Variants in ADAM2 observed in about 807,000 individuals in gnomAD.
The protein encoded by ADAM2 is disintegrin and metalloproteinase domain-containing protein 2.
A neutral mutation model predicts 99.3 loss-of-function variants in ADAM2; 101 were observed. The ratio of observed to expected loss-of-function variants is 1.02; its 90% CI spans 0.87 to 1.20. The LOEUF is 1.20. Ranked by LOEUF, ADAM2 falls within the 50% of genes most tolerant of loss-of-function variation. The pLI is 0.00. For synonymous variants in ADAM2, 323 were observed against 287.6 expected (o/e 1.12, Z -1.25); for missense variants, 948 against 878.7 (o/e 1.08, Z -1.00).
chr8:39,771,658 A>T (rs1246908597), intron 11 of ADAM2, among the ~76,000 whole-genome samples: 2 of 152,290 alleles, frequency 1.3e-5, no homozygotes, highest in African/African-American at 4.8e-5. Context: ...GAATAAATTT[A>T]GAATTTTTGA....
intron 3 of ADAM2, among the ~76,000 whole-genome samples, chr8:39,832,553 C>A (rs1183240065): frequency 6.6e-6 from 1 of 152,162 alleles, no homozygotes. Flanking sequence ...TTTGGTTATT[C>A]ATTTCTAAAA....
intron 11 of ADAM2, among the ~76,000 whole-genome samples, chr8:39,773,805 T>C (rs1015527369): frequency 6.6e-6 from 1 of 151,918 alleles, no homozygotes; most frequent in Non-Finnish European, 1.5e-5. Context: ...GTATCAATAG[T>C]ACAAAATCTC....
At position 39,769,449 on chromosome 8, in the gene ADAM2, T is replaced by TAGTG. The variant is rs536515860; in HGVS notation, c.1154_1155insCACT (p.Val386ThrfsTer5). 3.0e-4 allele frequency: 477 copies of TAGTG among 1,614,098 alleles called. 2 individuals are homozygous for TAGTG. Among genetic ancestry groups the TAGTG allele is most frequent in the Middle Eastern group, 2.0e-3 (12 of 6,062 alleles). ...CTTCCAGCTTTGCATTACCACACAC[T>TAGTG]GCTTGCTGTTTGAAAAAAGGATCTA... On this transcript the variant is annotated frameshift_variant, in exon 12 of 21. Coordinates refer to ENST00000265708, the MANE Select transcript of ADAM2 (RefSeq NM_001464.5). LOFTEE classifies it high-confidence loss of function.
At chr8:39,809,303 C>T in intron 7 of ADAM2, 107 bp downstream of exon 7, 1 of 620,870 alleles carries the variant, frequency 1.6e-6, no homozygotes, top group Non-Finnish European at 2.8e-6. Flanking sequence ...TAATGCAGAG[C>T]TAAGGCAAAA....
At chr8:39,796,891 G>GT (rs1197611515) in intron 7 of ADAM2, among the ~76,000 whole-genome samples, 5 of 151,588 alleles carry the variant, frequency 3.3e-5, no homozygotes, top group African/African-American at 9.7e-5. Flanking sequence ...TGATGGGGTT[G>GT]TTTTTTTTCT....
chr8:39,790,339 C>G (rs999068103), intron 7 of ADAM2, among the ~76,000 whole-genome samples: 3 of 151,818 alleles, frequency 2.0e-5, no homozygotes, highest in Admixed American at 6.6e-5. Context: ...GGCTATTTTA[C>G]AGTAAGAAGA....
chr8:39,752,788 A>T (rs1415588906), intron 16 of ADAM2, among the ~76,000 whole-genome samples: 1 of 152,084 alleles, frequency 6.6e-6, no homozygotes, highest in East Asian at 1.9e-4. Flanking sequence ...TCATGGTTTT[A>T]TAAAGGGCAG....
chr8:39,802,390 G>A (rs1804255225), intron 7 of ADAM2, among the ~76,000 whole-genome samples: 1 of 152,084 alleles, frequency 6.6e-6, no homozygotes, highest in Non-Finnish European at 1.5e-5. Flanking sequence ...TTTTCAATGG[G>A]AGACTCCGAA....
chr8:39,800,494 C>G (rs917850672), intron 7 of ADAM2, among the ~76,000 whole-genome samples: 1 of 151,976 alleles, frequency 6.6e-6, no homozygotes, highest in African/African-American at 2.4e-5. Flanking sequence ...AATCTGATGA[C>G]TATGTGTCTT....
chr8:39,798,352 G>T (rs1804058228), intron 7 of ADAM2, among the ~76,000 whole-genome samples: 1 of 151,878 alleles, frequency 6.6e-6, no homozygotes, highest in Admixed American at 6.6e-5. Context: ...TATTGATTTA[G>T]GTATGTTGAA....
Position 39,749,302 on chromosome 8 carries a change from T to G in ADAM2, c.2014+10A>C. On this transcript the variant is annotated intron_variant, in intron 18 of 20. Transcript: ENST00000265708. ...TTTTAATTATTTTCTGATTTATTAT[T>G]AATACTTACCAGGGAGTCTGGCTGG... The G allele has an allele frequency of 1.3e-6, 2 of 1,593,712 alleles. No individual in the cohort carries two copies. Among genetic ancestry groups the G allele is most frequent in the Middle Eastern group, 1.7e-4 (1 of 5,960 alleles).
rs967644658 is a variant in ADAM2, at chr8:39,749,412, T to C, written c.1914A>G (p.Ser638=). The C allele has an allele frequency of 1.2e-6, 2 of 1,613,280 alleles. No homozygotes were observed. The highest frequency in any genetic ancestry group is 2.7e-5 in the African/African-American group (2 of 74,870). ...NNKKHCHCSA[S]YLPPDCSVQS... Reference sequence around the variant, plus strand: ...GAACTGAGCAATCTGGAGGTAAATATGAAGCACTACAGTGACAGTGCTTTT... The same window carrying C: ...GAACTGAGCAATCTGGAGGTAAATACGAAGCACTACAGTGACAGTGCTTTT... The change falls in exon 18 of 21, where the codon TCA becomes TCG. Residue 638 remains serine (S), a synonymous_variant. Coordinates refer to ENST00000265708, the MANE Select transcript of ADAM2 (RefSeq NM_001464.5).
chr8:39,746,723 C>A, intron 18 of ADAM2, 92 bp from the exon 19 acceptor site: 1 of 995,890 alleles, frequency 1.0e-6, no homozygotes, highest in Non-Finnish European at 1.5e-6. Flanking sequence ...AAAATAAAAT[C>A]TTTGAACAAT....
intron 16 of ADAM2, among the ~76,000 whole-genome samples, chr8:39,754,802 T>C (rs1053872126): frequency 6.6e-6 from 1 of 152,198 alleles, no homozygotes; most frequent in African/African-American, 2.4e-5. Context: ...CTTGTGTATA[T>C]ACGTGTTTGT....
At position 39,837,177 on chromosome 8, in the gene ADAM2, C is replaced by T. The variant is rs201075434; in HGVS notation, c.91G>A (p.Glu31Lys). 1.2e-6 allele frequency: 2 copies of T among 1,610,476 alleles called. No individual in the cohort carries two copies. Among genetic ancestry groups the T allele is most frequent in the East Asian group, 4.5e-5 (2 of 44,758 alleles). The change falls in exon 2 of 21, where the codon GAG (glutamate) becomes AAG (lysine). Residue 31 changes from glutamate (E) to lysine (K), a missense_variant. By Grantham distance (56) the Glu-to-Lys change is moderately conservative (BLOSUM62 1). Coordinates refer to ENST00000265708, the MANE Select transcript of ADAM2 (RefSeq NM_001464.5). ...TCCTTTATTATTGACCGTATTTTCTCCGGAACTGTAATTTGCACAGGTAAA... is the reference window on the plus strand; with the variant it reads ...TCCTTTATTATTGACCGTATTTTCTTCGGAACTGTAATTTGCACAGGTAAA... The part of the protein sequence containing the change: ...DSLPVQITVP[E>K]KIRSIIKEGI...
chr8:39,748,202 C>A (rs1823552904), intron 18 of ADAM2, among the ~76,000 whole-genome samples: 2 of 152,214 alleles, frequency 1.3e-5, no homozygotes, highest in African/African-American at 4.8e-5. Context: ...GTAAGGGCTG[C>A]AAAATACCTG....
rs756482899 is a variant in ADAM2 at position 39,766,933 on chromosome 8, C to T, written c.1422G>A (p.Gly474=). ...SCPENHYVQT[G]HPCGLNQWIC... ...TCCATTGATTCAGTCCACACGGATG[C>T]CCAGTCTGAACATAGTGGTTTTCTG... Residue 474 remains glycine, a synonymous_variant, in exon 14 of 21, where the codon GGG becomes GGA. Coordinates refer to ENST00000265708, the MANE Select transcript of ADAM2 (RefSeq NM_001464.5). The T allele has an allele frequency of 1.2e-6, 2 of 1,614,110 alleles. No individual in the cohort carries two copies. The highest frequency in any genetic ancestry group is 1.3e-5 in the African/African-American group (1 of 75,030).
At chr8:39,819,452 A>C (rs976231671) in intron 6 of ADAM2, among the ~76,000 whole-genome samples, 1 of 152,144 alleles carries the variant, frequency 6.6e-6, no homozygotes, top group Non-Finnish European at 1.5e-5. Context: ...TGTGATGATT[A>C]ATTTTACCTG....
At position 39,798,554 on chromosome 8, in the gene ADAM2, C is replaced by T; in HGVS notation, c.571-9814G>A. On this transcript the variant is annotated intron_variant, in intron 7 of 20. Transcript: ENST00000265708. ...GGTATCAGGATGATGCTGGCTTCAT[C>T]AAATGACTTAGGGAGGAGTCCCTCC... Among the ~76,000 whole-genome samples, 2 of 152,032 alleles carry T rather than the reference C, an allele frequency of 1.3e-5. 1 individual carries two copies. The highest frequency in any genetic ancestry group is 3.9e-4 in the East Asian group (2 of 5,186).
Sources: allele counts gnomAD v4.1 joint callset (sites outside exome capture counted in the v4.1 genomes callset), GRCh38; gene constraint gnomAD v4.1.1; transcripts MANE v1.5; gene names NCBI Gene and HGNC (gene_info 2026-07-23, HGNC 2026-07-21).